TMEM232: variants seen among roughly 807,000 people sequenced by gnomAD.
TMEM232 encodes the protein transmembrane protein 232.
Under a neutral mutation model 78.8 loss-of-function variants are expected in TMEM232, and 80 were observed. The ratio of observed to expected loss-of-function variants is 1.01; its 90% CI spans 0.85 to 1.22. The LOEUF (loss-of-function observed/expected upper bound fraction) is 1.22. Ranked by LOEUF, TMEM232 falls within the 50% of genes most tolerant of loss-of-function variation. TMEM232 has a pLI of 0.00. For synonymous variants in TMEM232, 297 were observed against 254.3 expected (o/e 1.17, Z -1.60); for missense variants, 881 against 742.2 (o/e 1.19, Z -2.17).
chr5:110,401,002 T>C (rs73217178), intron 2 of TMEM232, among the ~76,000 whole-genome samples: 1 of 151,992 alleles, frequency 6.6e-6, no homozygotes, highest in Non-Finnish European at 1.5e-5. Context: ...AAGCAATGTA[T>C]ATCAAAACAA....
intron 2 of TMEM232, among the ~76,000 whole-genome samples, chr5:110,663,044 A>C (rs570761032): frequency 1.3e-5 from 2 of 152,276 alleles, no homozygotes; most frequent in African/African-American, 4.8e-5. Flanking sequence ...AATTCCACTC[A>C]TAAGTTTGTA....
intron 2 of TMEM232, among the ~76,000 whole-genome samples, chr5:110,659,234 A>C (rs1346460320): frequency 6.6e-6 from 1 of 152,148 alleles, no homozygotes; most frequent in East Asian, 1.9e-4. Context: ...ATCGGTATAA[A>C]GTATGTAATG....
intron 11 of TMEM232, among the ~76,000 whole-genome samples, chr5:110,530,217 A>T (rs565516474): frequency 6.6e-6 from 1 of 152,308 alleles, no homozygotes; most frequent in South Asian, 2.1e-4. Flanking sequence ...AACGAAAAAC[A>T]GTTAAAGTAA....
intron 12 of TMEM232, among the ~76,000 whole-genome samples, chr5:110,467,448 C>T (rs778553003): frequency 3.9e-5 from 6 of 152,174 alleles, no homozygotes; most frequent in Non-Finnish European, 8.8e-5. Context: ...TTGAAGAGTT[C>T]TTTCAAATTC....
intron 11 of TMEM232, among the ~76,000 whole-genome samples, chr5:110,562,975 T>G (rs910877125): frequency 2.0e-5 from 3 of 152,072 alleles, no homozygotes; most frequent in African/African-American, 7.2e-5. Flanking sequence ...TAGAGTTAAC[T>G]GTGTGTTTTA....
At chr5:110,459,921 G>A (rs1022035789) in intron 12 of TMEM232, among the ~76,000 whole-genome samples, 1 of 152,120 alleles carries the variant, frequency 6.6e-6, no homozygotes, top group Non-Finnish European at 1.5e-5. Flanking sequence ...CTCAAGCTGA[G>A]TTTCATTCTA....
intron 12 of TMEM232, among the ~76,000 whole-genome samples, chr5:110,466,052 T>C (rs898459019): frequency 1.3e-5 from 2 of 152,194 alleles, no homozygotes; most frequent in African/African-American, 4.8e-5. Flanking sequence ...ATATTGATTA[T>C]GTAAATTAGA....
At chr5:110,709,297 T>C (rs1325017707) in intron 1 of TMEM232, among the ~76,000 whole-genome samples, 1 of 152,080 alleles carries the variant, frequency 6.6e-6, no homozygotes, top group Non-Finnish European at 1.5e-5. Flanking sequence ...GAGACTTCAA[T>C]ACCCCACTTT....
chr5:110,419,989 C>G lies in TMEM232; in HGVS notation c.*591G>C, dbSNP rs1281223732. ...AGTAAAACCACCATCTCTCAGGAAT[C>G]CCCTCTGGCATCTGTTAAAGATCAA... On this transcript the variant is annotated 3_prime_UTR_variant, in exon 14 of 14. Transcript: ENST00000455884. 3 of 152,194 alleles carry G rather than the reference C, an allele frequency of 2.0e-5. No individual in the cohort carries two copies. The highest frequency in any genetic ancestry group is 4.4e-5 in the Non-Finnish European group (3 of 68,066). 9.4% of individuals were successfully genotyped at this position (152,194 alleles called of 1,614,324 possible).
intron 12 of TMEM232, among the ~76,000 whole-genome samples, chr5:110,452,186 C>T (rs1760374532): frequency 6.6e-6 from 1 of 151,914 alleles, no homozygotes; most frequent in Non-Finnish European, 1.5e-5. Context: ...AAAATAAATA[C>T]AAAATGTTAT....
At chr5:110,619,801 T>C (rs1323341881) in intron 7 of TMEM232, among the ~76,000 whole-genome samples, 2 of 152,014 alleles carry the variant, frequency 1.3e-5, no homozygotes, top group African/African-American at 2.4e-5. Context: ...TTTGAATAAA[T>C]AGGTAAATAA....
chr5:110,597,162 CA>C (rs1400660232), intron 10 of TMEM232, among the ~76,000 whole-genome samples: 1 of 152,126 alleles, frequency 6.6e-6, no homozygotes, highest in African/African-American at 2.4e-5. Flanking sequence ...GCAACTTCAG[CA>C]AAGTCTCAGG....
In TMEM232 at chr5:110,568,454, A is replaced by G. The variant is rs773063584; in HGVS notation, c.1448T>C (p.Ile483Thr). Residue 483 changes from isoleucine to threonine, a missense_variant, in exon 11 of 14, where the codon ATA becomes ACA. Transcript: ENST00000455884. ...EDVRIQNAIN[I>T]AQAELNDPTD... is the part of the protein sequence containing the mutation. ...CCCAGTGTTTTACCTTACCTGAGCTATATTGATTGCATTTTGGATTCGTAC... is the reference window on the plus strand; with the variant it reads ...CCCAGTGTTTTACCTTACCTGAGCTGTATTGATTGCATTTTGGATTCGTAC... 5 of 1,545,936 alleles carry G rather than the reference A, an allele frequency of 3.2e-6. No homozygotes were observed. Among genetic ancestry groups the G allele is most frequent in the Non-Finnish European group, 4.4e-6 (5 of 1,144,544 alleles).
chr5:110,627,788 A>C lies in TMEM232; in HGVS notation c.594T>G (p.Tyr198Ter), dbSNP rs1784610309. The C allele has an allele frequency of 1.3e-6, 2 of 1,499,790 alleles. No homozygotes were observed. Among genetic ancestry groups the C allele is most frequent in the Non-Finnish European group, 1.8e-6 (2 of 1,120,150 alleles). The allele number at this position is 1,499,790 out of a possible 1,614,324, so 92.9% of individuals were successfully genotyped here. Residue 198 changes from tyrosine to a stop codon, truncating the protein, a stop_gained, in exon 6 of 14, where the codon TAT becomes TAG. Transcript: ENST00000455884. LOFTEE classifies it high-confidence loss of function. ...AAATAAAAGATATTCTACCGTATAA[A>C]TATGGTTGAAGCCTAAGTAAATGTT... Reference protein sequence around the residue: ...FKQHLLRLQPYLYALSFSGAS... With the variant: ...FKQHLLRLQP
intron 12 of TMEM232, among the ~76,000 whole-genome samples, chr5:110,501,810 A>G (rs2149444360): frequency 6.6e-6 from 1 of 152,254 alleles, no homozygotes; most frequent in South Asian, 2.1e-4. Flanking sequence ...TCAAAGTGTA[A>G]AAGAGGTGGT....
In TMEM232 at chr5:110,534,358, C is replaced by G. The variant is rs144186020; in HGVS notation, c.1456-5523G>C. Among the ~76,000 whole-genome samples the G allele has an allele frequency of 6.6e-3, 1,009 of 152,256 alleles. 21 individuals carry two copies. Among genetic ancestry groups the G allele is most frequent in the African/African-American group, 0.023 (936 of 41,538 alleles). ...AAAGTAGAACAGACTAATAGTCTTT[C>G]AAAAACACACCTCACCAAGCTCAGC... On this transcript the variant is annotated intron_variant, in intron 11 of 13. Coordinates refer to ENST00000455884, the MANE Select transcript of TMEM232 (RefSeq NM_001039763.4).
At chr5:110,698,940 C>T (rs1007115794) in intron 1 of TMEM232, among the ~76,000 whole-genome samples, 2 of 152,030 alleles carry the variant, frequency 1.3e-5, no homozygotes, top group Admixed American at 1.3e-4. Context: ...ACATTTGCTC[C>T]CTCCAGCCCA....
In TMEM232 at chr5:110,420,236, A is replaced by C. The variant is rs1218166713; in HGVS notation, c.*344T>G. ...AATTAATTTGTAATGAATTTCCATC[A>C]AACTGTTTGTTTGATGAATATCAAT... On this transcript the variant is annotated 3_prime_UTR_variant, in exon 14 of 14. Transcript: ENST00000455884. 6.0e-6 allele frequency: 1 copy of C among 166,324 alleles called. No individual in the cohort carries two copies. Among genetic ancestry groups the C allele is most frequent in the Admixed American group, 6.4e-5 (1 of 15,718 alleles). The allele number at this position is 166,324 out of a possible 1,614,324, so 10.3% of individuals were successfully genotyped here. A position where few individuals can be genotyped will look rare whatever the true frequency, so the allele number is the denominator to read the frequency against.
At chr5:110,507,693 C>T (rs747030749) in intron 12 of TMEM232, among the ~76,000 whole-genome samples, 4 of 152,086 alleles carry the variant, frequency 2.6e-5, no homozygotes, top group African/African-American at 9.7e-5. Flanking sequence ...AGTAGATTTG[C>T]CATGTATTGT....
Sources: allele counts gnomAD v4.1 joint callset (sites outside exome capture counted in the v4.1 genomes callset), GRCh38; gene constraint gnomAD v4.1.1; transcripts MANE v1.5; gene names NCBI Gene and HGNC (gene_info 2026-07-23, HGNC 2026-07-21).